The following KIF16B variants were observed in gnomAD, a reference collection of about 807,000 sequenced individuals.
The protein encoded by KIF16B is kinesin-like protein KIF16B.
Under a neutral mutation model 156.3 loss-of-function variants are expected in KIF16B, and 98 were observed. The observed-to-expected ratio is 0.63, with a 90% CI of 0.53 to 0.74. The LOEUF is 0.74. KIF16B is among the 30% of genes least tolerant of loss of function. The pLI, the probability that KIF16B is intolerant of heterozygous loss-of-function variation, is 0.00. For synonymous variants in KIF16B, 564 were observed against 583.7 expected (o/e 0.97, Z 0.49); for missense variants, 1,421 against 1,606.5 (o/e 0.88, Z 1.97).
intron 12 of KIF16B, among the ~76,000 whole-genome samples, chr20:16,478,162 A>G (rs889401855): frequency 3.0e-4 from 46 of 152,218 alleles, no homozygotes; most frequent in African/African-American, 1.0e-3. Context: ...ACCTGATGAC[A>G]AGGGTCAGAG....
At chr20:16,559,824 T>G (rs2070994149) in intron 1 of KIF16B, among the ~76,000 whole-genome samples, 1 of 152,100 alleles carries the variant, frequency 6.6e-6, no homozygotes, top group Admixed American at 6.5e-5. Context: ...AATTTTGTTA[T>G]CTTGGACTGG....
chr20:16,409,096 T>A (rs1011470003), intron 15 of KIF16B, among the ~76,000 whole-genome samples: 2 of 152,048 alleles, frequency 1.3e-5, no homozygotes, highest in African/African-American at 4.8e-5. Flanking sequence ...AAGCTGCAGC[T>A]GAAGGAGAAG....
rs1324798860 is a variant in KIF16B at position 16,275,938 on chromosome 20, A to T, written c.3796-2527T>A. ...GTGCACAACTGATTGTTCTGGGAAG[A>T]TCAAGGGTGAGATGATTTGGAAAAC... On this transcript the variant is annotated intron_variant, in intron 25 of 25. Transcript: ENST00000354981. Among the ~76,000 whole-genome samples the T allele has an allele frequency of 2.6e-5, 4 of 152,230 alleles. No homozygotes were observed. In the East Asian group the frequency reaches 7.7e-4, roughly 29 times the overall value.
chr20:16,493,026 G>A (rs759158170), intron 12 of KIF16B, among the ~76,000 whole-genome samples: 14 of 152,106 alleles, frequency 9.2e-5, no homozygotes, highest in Non-Finnish European at 1.8e-4. Context: ...AAATATGAAC[G>A]AAGTATTTGC....
intron 17 of KIF16B, among the ~76,000 whole-genome samples, chr20:16,387,500 G>A (rs184649079): frequency 4.6e-5 from 7 of 152,260 alleles, no homozygotes; most frequent in South Asian, 2.1e-4. Context: ...AGTAAGTGGC[G>A]ACAAGACAAG....
rs75123229 is a variant in KIF16B, at chr20:16,492,950, G to A, written c.1302+1341C>T. Reference sequence around the variant, plus strand: ...GCTGAGGCACCAACACCTCTTACAGGGAATGCAACTTAAACAACAACAAAG... The same window carrying A: ...GCTGAGGCACCAACACCTCTTACAGAGAATGCAACTTAAACAACAACAAAG... On this transcript the variant is annotated intron_variant, in intron 12 of 25. Coordinates refer to ENST00000354981, the MANE Select transcript of KIF16B (RefSeq NM_024704.5). Among the ~76,000 whole-genome samples the A allele has an allele frequency of 3.5e-3, 528 of 152,020 alleles. 5 individuals are homozygous for A. Among genetic ancestry groups the A allele is most frequent in the African/African-American group, 0.012 (483 of 41,446 alleles).
intron 3 of KIF16B, among the ~76,000 whole-genome samples, chr20:16,522,005 C>A (rs6044066): frequency 0.38 from 58,014 of 151,944 alleles, 11,271 homozygotes; most frequent in African/African-American, 0.44. Context: ...CTGCCTTACA[C>A]GAGCTCCTGA....
At position 16,552,218 on chromosome 20, in the gene KIF16B, TG is replaced by T. The variant is rs879801701; in HGVS notation, c.47+21010del. Among the ~76,000 whole-genome samples, 377 of 152,276 alleles carry T rather than the reference TG, an allele frequency of 2.5e-3. 3 individuals carry two copies. In the East Asian group the frequency reaches 0.037, roughly 15 times the overall value. ...AGCTTGACAAACCCAGCTCAGCACT[TG>T]AAATAGGAAGCTCCCTAACACAAGG... is the stretch of plus-strand genomic sequence containing the variant. On this transcript the variant is annotated intron_variant, in intron 1 of 25. Coordinates refer to ENST00000354981, the MANE Select transcript of KIF16B (RefSeq NM_024704.5).
At chr20:16,504,589 A>C (rs1186815394) in intron 9 of KIF16B, 42 bp from the exon 10 acceptor site, 3 of 1,559,412 alleles carry the variant, frequency 1.9e-6, no homozygotes, top group Non-Finnish European at 2.6e-6. Context: ...CCAGCACTCC[A>C]TGTTCCATTT....
At chr20:16,333,888 C>G (rs1286443247) in intron 24 of KIF16B, among the ~76,000 whole-genome samples, 1 of 152,186 alleles carries the variant, frequency 6.6e-6, no homozygotes, top group Non-Finnish European at 1.5e-5. Flanking sequence ...TTCTGCCCCA[C>G]CATTCTTTAT....
chr20:16,570,280 AAGT>A (rs1263256741), intron 1 of KIF16B, among the ~76,000 whole-genome samples: 1 of 152,194 alleles, frequency 6.6e-6, no homozygotes, highest in Non-Finnish European at 1.5e-5. Context: ...AAATTAGAAA[AAGT>A]AGAAATGAAA....
intron 23 of KIF16B, among the ~76,000 whole-genome samples, chr20:16,344,110 C>T (rs1029814481): frequency 3.9e-5 from 6 of 152,168 alleles, no homozygotes; most frequent in African/African-American, 9.7e-5. Context: ...ACTAATTCTA[C>T]TGAAAGTCTT....
intron 25 of KIF16B, among the ~76,000 whole-genome samples, chr20:16,300,627 T>A (rs1418965623): frequency 2.0e-5 from 3 of 152,172 alleles, no homozygotes; most frequent in Non-Finnish European, 4.4e-5. Context: ...TATAAATACA[T>A]AACTACCACA....
At position 16,395,550 on chromosome 20, in the gene KIF16B, T is replaced by C. The variant is rs140151621; in HGVS notation, c.1784+9263A>G. The stretch of plus-strand genomic sequence containing the variant: ...CCAGAACTCTACATTTGGAATCTAG[T>C]TCTTTCAAGCTTTACATTCCAGAAA... On this transcript the variant is annotated intron_variant, in intron 17 of 25. Coordinates refer to ENST00000354981, the MANE Select transcript of KIF16B (RefSeq NM_024704.5). 2.0e-5 allele frequency among the ~76,000 whole-genome samples: 3 copies of C among 152,312 alleles called. 1 individual carries two copies. The highest frequency in any genetic ancestry group is 7.2e-5 in the African/African-American group (3 of 41,570).
intron 25 of KIF16B, among the ~76,000 whole-genome samples, chr20:16,284,804 G>C (rs2063199499): frequency 6.6e-6 from 1 of 152,164 alleles, no homozygotes; most frequent in Admixed American, 6.5e-5. Context: ...ACAGGCCACA[G>C]CACAGTAGAT....
intron 12 of KIF16B, among the ~76,000 whole-genome samples, chr20:16,494,088 C>T (rs916497855): frequency 2.0e-5 from 3 of 152,074 alleles, no homozygotes; most frequent in Non-Finnish European, 2.9e-5. Flanking sequence ...TATTAAAACA[C>T]ACAGCTATAA....
rs1368899568 is a variant in KIF16B, at chr20:16,273,290, T to C, written c.3917A>G (p.Lys1306Arg). ...TICEFSPFFKKGVFDYSSHGT... is the reference protein window; with the variant it reads ...TICEFSPFFKRGVFDYSSHGT... ...GTGGCTGCTGTAGTCAAAGACTCCT[T>C]TCTTGAAGAATGGTGAAAACTCACA... The change falls in exon 26 of 26, where the codon AAA becomes AGA. Residue 1306 changes from lysine (K) to arginine (R), a missense_variant. Transcript: ENST00000354981. 6.2e-7 allele frequency: 1 copy of C among 1,614,094 alleles called. No individual in the cohort carries two copies. The highest frequency in any genetic ancestry group is 8.5e-7 in the Non-Finnish European group (1 of 1,179,956).
At chr20:16,287,394 T>C (rs567628321) in intron 25 of KIF16B, among the ~76,000 whole-genome samples, 2 of 152,344 alleles carry the variant, frequency 1.3e-5, no homozygotes, top group South Asian at 2.1e-4. Context: ...TATTTCTTGA[T>C]GTTATAGAGA....
At chr20:16,498,183 T>C (rs2068509334) in intron 10 of KIF16B, among the ~76,000 whole-genome samples, 1 of 152,018 alleles carries the variant, frequency 6.6e-6, no homozygotes, top group Admixed American at 6.6e-5. Flanking sequence ...GTCGAAGAAG[T>C]GTAAAGATTG....
Sources: allele counts gnomAD v4.1 joint callset (sites outside exome capture counted in the v4.1 genomes callset), GRCh38; gene constraint gnomAD v4.1.1; transcripts MANE v1.5; gene names NCBI Gene and HGNC (gene_info 2026-07-23, HGNC 2026-07-21).